The following HYCC1 variants were observed in gnomAD, a reference collection of about 807,000 sequenced individuals.
HYCC1 encodes hyccin.
chr7:22,942,773 A>G, the HYCC1 span: 1 of 152,196 alleles, frequency 6.6e-6, no homozygotes, highest in Non-Finnish European at 1.5e-5. Flanking sequence ...CAATTTTCAA[A>G]TTTGAAAGTT....
the HYCC1 span, chr7:22,943,761 T>G: frequency 6.6e-6 from 1 of 152,634 alleles, no homozygotes; most frequent in African/African-American, 2.4e-5. Context: ...TACAAATATT[T>G]TAAATTGTAC....
At chr7:23,013,342 G>C in the HYCC1 span, among the ~76,000 whole-genome samples, 1 of 152,222 alleles carries the variant, frequency 6.6e-6, no homozygotes, top group Admixed American at 6.5e-5. Context: ...GCCCTGCAGG[G>C]GACCAAAGAC....
At chr7:22,945,964 T>C in the HYCC1 span, 5 of 1,613,794 alleles carry the variant, frequency 3.1e-6, no homozygotes, top group African/African-American at 2.7e-5. Context: ...AAGATTCCCC[T>C]GTAGTTTCTT....
chr7:22,910,667 T>C, the HYCC1 span, among the ~76,000 whole-genome samples: 2 of 152,224 alleles, frequency 1.3e-5, no homozygotes. Flanking sequence ...TAAAATATGA[T>C]GTGTAAAATG....
chr7:22,945,420 C>A, the HYCC1 span: 1 of 618,482 alleles, frequency 1.6e-6, no homozygotes, highest in Non-Finnish European at 2.9e-6. Flanking sequence ...CATATTTCAA[C>A]TTACTGCAAC....
At chr7:22,976,929 G>A in the HYCC1 span, 1 of 651,230 alleles carries the variant, frequency 1.5e-6, no homozygotes, top group South Asian at 1.8e-5. Context: ...AACATATTTA[G>A]GCTGCCTACC....
At chr7:22,997,348 A>G in the HYCC1 span, among the ~76,000 whole-genome samples, 1 of 152,142 alleles carries the variant, frequency 6.6e-6, no homozygotes. Flanking sequence ...CTACTATAAA[A>G]CTTTTTATAA....
the HYCC1 span, chr7:22,943,879 G>C: frequency 6.6e-6 from 1 of 152,484 alleles, no homozygotes; most frequent in African/African-American, 2.4e-5. Flanking sequence ...TGTTACTGGA[G>C]CTAAAAGAAA....
chr7:22,966,691 C>T, the HYCC1 span, among the ~76,000 whole-genome samples: 30 of 152,166 alleles, frequency 2.0e-4, no homozygotes, highest in African/African-American at 7.0e-4. Flanking sequence ...AGTTATTTCC[C>T]CTACTCAATG....
chr7:22,947,502 A>T, the HYCC1 span, among the ~76,000 whole-genome samples: 1 of 152,110 alleles, frequency 6.6e-6, no homozygotes, highest in Non-Finnish European at 1.5e-5. Context: ...TTTCACACAC[A>T]CATTTCACAT....
At chr7:22,995,641 G>A in the HYCC1 span, among the ~76,000 whole-genome samples, 2,412 of 136,140 alleles carry the variant, frequency 0.018, 69 homozygotes, top group African/African-American at 0.062. Flanking sequence ...ACATACATGA[G>A]GCCATACTCA....
the HYCC1 span, among the ~76,000 whole-genome samples, chr7:22,903,831 T>C: frequency 6.6e-6 from 1 of 152,212 alleles, no homozygotes; most frequent in Non-Finnish European, 1.5e-5. Context: ...CATTTTTTAA[T>C]ATCATAACCT....
At chr7:22,978,074 TA>T in the HYCC1 span, 379 of 612,226 alleles carry the variant, frequency 6.2e-4, no homozygotes, top group African/African-American at 6.0e-3. Context: ...AATCAATCCA[TA>T]AAGGTAAGTT....
chr7:22,981,574 C>T, the HYCC1 span, among the ~76,000 whole-genome samples: 1 of 152,136 alleles, frequency 6.6e-6, no homozygotes, highest in Admixed American at 6.5e-5. Flanking sequence ...ACCACATGAA[C>T]CAGAATAAAA....
chr7:22,934,001 T>A, the HYCC1 span, among the ~76,000 whole-genome samples: 1 of 152,194 alleles, frequency 6.6e-6, no homozygotes, highest in Admixed American at 6.5e-5. Context: ...GACTTGAAGC[T>A]AAGTTACAAT....
chr7:22,928,412 G>A, the HYCC1 span, among the ~76,000 whole-genome samples: 2 of 152,204 alleles, frequency 1.3e-5, no homozygotes, highest in African/African-American at 4.8e-5. Context: ...GTTTGCAGAT[G>A]ACATGATTGT....
the HYCC1 span, among the ~76,000 whole-genome samples, chr7:23,007,519 T>C: frequency 4.6e-5 from 7 of 152,136 alleles, no homozygotes; most frequent in African/African-American, 1.7e-4. Context: ...CAAAAAGACC[T>C]AGACATTTTT....
chr7:22,970,801 C>T, the HYCC1 span, among the ~76,000 whole-genome samples: 1 of 152,118 alleles, frequency 6.6e-6, no homozygotes, highest in Non-Finnish European at 1.5e-5. Context: ...GCCAAAAAAA[C>T]AAAGCAATAA....
chr7:22,980,935 T>C, the HYCC1 span, among the ~76,000 whole-genome samples: 1 of 152,224 alleles, frequency 6.6e-6, no homozygotes, highest in East Asian at 1.9e-4. Flanking sequence ...TGCCTCTTTA[T>C]AAGTTTCTTG....
Sources: allele counts gnomAD v4.1 joint callset (sites outside exome capture counted in the v4.1 genomes callset), GRCh38; gene constraint gnomAD v4.1.1; transcripts MANE v1.5; gene names NCBI Gene and HGNC (gene_info 2026-07-23, HGNC 2026-07-21).